Variants in MYOM3 observed in about 807,000 individuals in gnomAD.
The protein encoded by MYOM3 is myomesin 3.
A neutral mutation model predicts 191.7 loss-of-function variants in MYOM3; 155 were observed. The observed-to-expected ratio is 0.81, with a 90% CI of 0.71 to 0.92. MYOM3 has a LOEUF of 0.92. Among genes scored for constraint, MYOM3 ranks in the 40% least tolerant of loss-of-function variants. The pLI is 0.00. For synonymous variants in MYOM3, 757 were observed against 762.9 expected (o/e 0.99, Z 0.13); for missense variants, 1,889 against 1,890.6 (o/e 1.00, Z 0.02).
chr1:24,059,275 T>C lies in MYOM3; in HGVS notation c.3995-296A>G, dbSNP rs1378019348. Among the ~76,000 whole-genome samples, 4 of 152,166 alleles carry C rather than the reference T, an allele frequency of 2.6e-5. No homozygotes were observed. The East Asian group carries it at 5.8e-4, about 22-fold the overall frequency. On this transcript the variant is annotated intron_variant, in intron 35 of 36. Transcript: ENST00000374434. Reference sequence around the variant, plus strand: ...TCAGCCTCCTGAGCAGCTGGGACTATAGGCATGCATCAGCCCGCCTAGCTA... The same window carrying C: ...TCAGCCTCCTGAGCAGCTGGGACTACAGGCATGCATCAGCCCGCCTAGCTA...
In MYOM3 at chr1:24,080,115, C is replaced by T. The variant is rs1261716369; in HGVS notation, c.2487G>A (p.Gly829=). ...CGTGATAGCCTGTGACAGGCCCAGC[C>T]CCCATATACAGTGGGGGTTCCCACT... ...VLQWEPPLYM[G]AGPVTGYHVS... Residue 829 remains glycine, a synonymous_variant, in exon 20 of 37, where the codon GGG becomes GGA. Transcript: ENST00000374434. 7 of 1,614,006 alleles carry T rather than the reference C, an allele frequency of 4.3e-6. No homozygotes were observed. The South Asian group carries it at 6.6e-5, about 15-fold the overall frequency.
At chr1:24,086,883 C>T in intron 14 of MYOM3, 56 bp from the exon 15 acceptor site, 1 of 1,541,208 alleles carries the variant, frequency 6.5e-7, no homozygotes, top group Non-Finnish European at 8.9e-7. Context: ...CGGCTCTGTG[C>T]TGGTCACCTC....
intron 29 of MYOM3, among the ~76,000 whole-genome samples, chr1:24,065,222 C>T (rs995190850): frequency 6.6e-6 from 1 of 152,210 alleles, no homozygotes; most frequent in Non-Finnish European, 1.5e-5. Flanking sequence ...TGGGAGAAGA[C>T]CTTGAAATCA....
At chr1:24,074,472 T>G (rs935780849) in intron 22 of MYOM3, among the ~76,000 whole-genome samples, 9 of 152,196 alleles carry the variant, frequency 5.9e-5, no homozygotes, top group Non-Finnish European at 8.8e-5. Context: ...TGCCATTATC[T>G]GGGCTCTCTG....
chr1:24,097,184 G>T (rs2148558437), intron 7 of MYOM3, among the ~76,000 whole-genome samples: 1 of 152,326 alleles, frequency 6.6e-6, no homozygotes, highest in Non-Finnish European at 1.5e-5. Context: ...GTGGGGAGTT[G>T]CTGGGGTTTG....
intron 27 of MYOM3, among the ~76,000 whole-genome samples, chr1:24,067,305 CTTCTTTCTTTCTTTCT>C (rs1326899232): frequency 1.4e-5 from 1 of 70,732 alleles, no homozygotes; most frequent in African/African-American, 4.8e-5. Flanking sequence ...TCTTTCTTTC[CTTCTTTCTTTCTTTCT>C]TTCCTTCTTT....
At chr1:24,105,800 G>T in intron 5 of MYOM3, 120 bp downstream of exon 5, 1 of 1,031,484 alleles carries the variant, frequency 9.7e-7, no homozygotes, top group Non-Finnish European at 1.4e-6. Context: ...TCTATTCGGT[G>T]GGTGGACAGA....
chr1:24,076,803 C>T (rs1181232536), intron 20 of MYOM3, among the ~76,000 whole-genome samples: 1 of 56,830 alleles, frequency 1.8e-5, no homozygotes, highest in South Asian at 3.1e-4. Context: ...CGTGAGCCAC[C>T]GCGCCCGGCC....
At chr1:24,067,455 C>T (rs1394821843) in intron 27 of MYOM3, among the ~76,000 whole-genome samples, 1 of 129,196 alleles carries the variant, frequency 7.7e-6, no homozygotes, top group African/African-American at 3.0e-5. Flanking sequence ...TTGTTTCCTT[C>T]CTTCTTTCTT....
At position 24,063,948 on chromosome 1, in the gene MYOM3, A is replaced by T; in HGVS notation, c.3622+124T>A. On this transcript the variant is annotated intron_variant, in intron 30 of 36. Coordinates refer to ENST00000374434, the MANE Select transcript of MYOM3 (RefSeq NM_152372.4). The surrounding 1 kb of genome is among the most constrained non-coding windows in gnomAD (Gnocchi z 4.5). ...ATGTGGAATCTTGGGCAAGTTACTT[A>T]ATCTCTTTGTGCCTCAATTTCTCCA... The T allele has an allele frequency of 1.3e-6, 1 of 775,830 alleles. No individual in the cohort carries two copies. The highest frequency in any genetic ancestry group is 2.1e-6 in the Non-Finnish European group (1 of 471,082). The allele number at this position is 775,830 out of a possible 1,614,324, so 48.1% of individuals were successfully genotyped here.
intron 16 of MYOM3, chr1:24,082,973 C>A (rs889911818): frequency 3.9e-5 from 13 of 336,484 alleles, no homozygotes; most frequent in African/African-American, 2.6e-4. Context: ...AGGAAAGGTT[C>A]TAATTTAAAG....
intron 16 of MYOM3, chr1:24,083,997 A>C (rs1029469546): frequency 5.8e-6 from 1 of 172,448 alleles, no homozygotes; most frequent in Admixed American, 5.5e-5. Context: ...AAATATTGTG[A>C]AATGCTGGGC....
At chr1:24,067,165 T>TG in intron 27 of MYOM3, 77 bp from the exon 28 acceptor site, 1 of 1,439,666 alleles carries the variant, frequency 6.9e-7, no homozygotes, top group South Asian at 1.3e-5. Flanking sequence ...CAGGCAGTGC[T>TG]GGGGGGAGGG....
intron 1 of MYOM3, among the ~76,000 whole-genome samples, chr1:24,110,350 G>A (rs937939388): frequency 6.6e-6 from 1 of 152,026 alleles, no homozygotes; most frequent in Admixed American, 6.5e-5. Context: ...GTGTGTGTGT[G>A]TGGGCGTGCA....
At chr1:24,097,868 G>T in intron 7 of MYOM3, 55 bp downstream of exon 7, 1 of 1,167,488 alleles carries the variant, frequency 8.6e-7, no homozygotes, top group Non-Finnish European at 1.3e-6. Flanking sequence ...GTCCTTGTCT[G>T]CCCAGCTTGG....
intron 20 of MYOM3, among the ~76,000 whole-genome samples, chr1:24,078,425 T>A (rs1367819082): frequency 6.6e-6 from 1 of 152,210 alleles, no homozygotes; most frequent in Non-Finnish European, 1.5e-5. Context: ...AGCCAAAATC[T>A]TTTTAGACTT....
At chr1:24,106,159 C>A in intron 4 of MYOM3, 82 bp from the exon 5 acceptor site, 1 of 1,439,342 alleles carries the variant, frequency 6.9e-7, no homozygotes. Flanking sequence ...CCACTGACAC[C>A]CAGACTCTGT....
intron 7 of MYOM3, among the ~76,000 whole-genome samples, chr1:24,096,917 A>T (rs1293222285): frequency 6.6e-6 from 1 of 152,224 alleles, no homozygotes; most frequent in Non-Finnish European, 1.5e-5. Flanking sequence ...CAACTCGGGC[A>T]TCTGAGAGAG....
At chr1:24,086,588 G>T (rs1323899036) in intron 15 of MYOM3, 56 bp downstream of exon 15, 6 of 1,562,164 alleles carry the variant, frequency 3.8e-6, no homozygotes, top group Non-Finnish European at 5.2e-6. Flanking sequence ...TGCAGCTTCA[G>T]GTCCTGAGCC....
Sources: allele counts gnomAD v4.1 joint callset (sites outside exome capture counted in the v4.1 genomes callset), GRCh38; gene constraint gnomAD v4.1.1; non-coding constraint Gnocchi (gnomAD v3.1); transcripts MANE v1.5; gene names NCBI Gene and HGNC (gene_info 2026-07-23, HGNC 2026-07-21).